Variants in IL1RAPL2 observed in about 807,000 individuals in gnomAD.
IL1RAPL2 encodes X-linked interleukin-1 receptor accessory protein-like 2.
Under a neutral mutation model 44.1 loss-of-function variants are expected in IL1RAPL2, and 3 were observed. That is an observed-to-expected ratio of 0.07 (90% CI 0.03 to 0.18). The LOEUF is 0.18. IL1RAPL2 is among the 10% of genes least tolerant of loss of function. The pLI is 1.00. For missense variants in IL1RAPL2, 391 were observed against 496.4 expected (o/e 0.79, Z 2.02); for synonymous variants, 181 against 178.8 (o/e 1.01, Z -0.10).
intron 5 of IL1RAPL2, among the ~76,000 whole-genome samples, chrX:105,429,426 C>T (rs1352600767): frequency 8.9e-6 from 1 of 111,937 alleles, no homozygotes; most frequent in Non-Finnish European, 1.9e-5. Flanking sequence ...TGACATTAAA[C>T]AGTGGTTTTC....
chrX:105,524,538 C>T (rs1255388604), intron 6 of IL1RAPL2, among the ~76,000 whole-genome samples: 2 of 109,688 alleles, frequency 1.8e-5, no homozygotes, highest in Non-Finnish European at 3.8e-5. Flanking sequence ...AACTTATTTA[C>T]TGCAAATACT....
intron 6 of IL1RAPL2, among the ~76,000 whole-genome samples, chrX:105,671,193 G>A (rs769761228): frequency 1.8e-5 from 2 of 110,936 alleles, no homozygotes; most frequent in African/African-American, 6.5e-5. Flanking sequence ...GTGATCCACC[G>A]GCCTTGGCCT....
intron 6 of IL1RAPL2, among the ~76,000 whole-genome samples, chrX:105,669,340 C>G (rs1469283074): frequency 9.0e-6 from 1 of 111,065 alleles, no homozygotes; most frequent in Non-Finnish European, 1.9e-5. Flanking sequence ...TTAATATCCC[C>G]AAAGGATGTG....
At position 105,762,611 on chromosome X, in the gene IL1RAPL2, G is replaced by A; in HGVS notation, c.1364-4353G>A. Among the ~76,000 whole-genome samples the A allele has an allele frequency of 2.7e-5, 3 of 112,226 alleles. 1 individual carries two copies. The Admixed American group carries it at 2.8e-4, about 11-fold the overall frequency. On this transcript the variant is annotated intron_variant, in intron 10 of 10. Coordinates refer to ENST00000372582, the MANE Select transcript of IL1RAPL2 (RefSeq NM_017416.2). ...ATGTACTTGGCTTTGTTTCATGTCT[G>A]ATAATCTGCTGTGGTTTCGCAGACT...
intron 5 of IL1RAPL2, among the ~76,000 whole-genome samples, chrX:105,356,693 G>A (rs1434420925): frequency 8.9e-6 from 1 of 112,343 alleles, no homozygotes; most frequent in African/African-American, 3.2e-5. Flanking sequence ...AGTGACCTAT[G>A]TGAATGACAG....
chrX:105,321,785 A>C (rs893324202), intron 5 of IL1RAPL2, among the ~76,000 whole-genome samples: 2 of 112,855 alleles, frequency 1.8e-5, no homozygotes, highest in African/African-American at 6.4e-5. Flanking sequence ...ACATAGGGTT[A>C]CTGACATTTG....
intron 6 of IL1RAPL2, among the ~76,000 whole-genome samples, chrX:105,650,153 C>G (rs185884513): frequency 1.3e-4 from 15 of 111,485 alleles, no homozygotes; most frequent in Non-Finnish European, 5.7e-5. Context: ...ATCTTGTGCA[C>G]TATAGGTTGT....
chrX:105,561,284 C>T (rs1015945126), intron 6 of IL1RAPL2, among the ~76,000 whole-genome samples: 4 of 111,747 alleles, frequency 3.6e-5, no homozygotes, highest in African/African-American at 1.3e-4. Context: ...GACAGCTCAC[C>T]TTCAGAAGCT....
At chrX:105,344,778 G>T (rs2035097302) in intron 5 of IL1RAPL2, among the ~76,000 whole-genome samples, 1 of 111,775 alleles carries the variant, frequency 8.9e-6, no homozygotes, top group South Asian at 3.8e-4. Context: ...ATGAGGATAT[G>T]CTGAGAGCCC....
chrX:105,478,153 C>T (rs2036210219), intron 5 of IL1RAPL2, among the ~76,000 whole-genome samples: 1 of 109,956 alleles, frequency 9.1e-6, no homozygotes, highest in Admixed American at 9.9e-5. Context: ...TTTTCTAACA[C>T]AACCTAAGTT....
intron 1 of IL1RAPL2, among the ~76,000 whole-genome samples, chrX:104,630,189 C>T (rs770661172): frequency 3.3e-3 from 350 of 106,298 alleles, no homozygotes; most frequent in African/African-American, 0.012. Context: ...ACTCTGTCAC[C>T]AGGGCTGGAG....
intron 2 of IL1RAPL2, among the ~76,000 whole-genome samples, chrX:105,135,895 T>C (rs922094514): frequency 8.9e-6 from 1 of 111,799 alleles, no homozygotes; most frequent in African/African-American, 3.2e-5. Flanking sequence ...ACTGAAACCT[T>C]AAGCAGAGGT....
At chrX:104,943,304 C>G (rs1393535527) in intron 2 of IL1RAPL2, among the ~76,000 whole-genome samples, 1 of 111,326 alleles carries the variant, frequency 9.0e-6, no homozygotes, top group Non-Finnish European at 1.9e-5. Flanking sequence ...ATTTGTGTCT[C>G]TAGACCAGAC....
rs752889587 is a variant in IL1RAPL2 at position 104,746,618 on chromosome X, C to T, written c.82+87623C>T. 1.5e-4 allele frequency among the ~76,000 whole-genome samples: 17 copies of T among 111,511 alleles called. No homozygotes were observed. The South Asian group carries it at 5.3e-3, about 35-fold the overall frequency. On this transcript the variant is annotated intron_variant, in intron 2 of 10. Transcript: ENST00000372582. ...CAATTTGTAGTTGTATGGGATGAGT[C>T]AGAACTTTTTTTCTGAATATTGTTC...
chrX:105,223,220 T>C (rs1221886911), intron 3 of IL1RAPL2, among the ~76,000 whole-genome samples: 3 of 110,974 alleles, frequency 2.7e-5, no homozygotes, highest in African/African-American at 9.8e-5. Flanking sequence ...TATATGAGTC[T>C]AGAACTTAGG....
At chrX:104,946,379 CAAAA>C (rs1157603029) in intron 2 of IL1RAPL2, among the ~76,000 whole-genome samples, 33 of 9,131 alleles carry the variant, frequency 3.6e-3, no homozygotes, top group African/African-American at 9.8e-3. Flanking sequence ...GACTCCGTCT[CAAAA>C]AAAAAAAAAA....
At chrX:104,924,360 C>T (rs1270973953) in intron 2 of IL1RAPL2, among the ~76,000 whole-genome samples, 1 of 111,727 alleles carries the variant, frequency 9.0e-6, no homozygotes, top group East Asian at 2.8e-4. Context: ...ACCTAACAGA[C>T]ATTTACAGAA....
chrX:104,600,700 A>G (rs1164263315), intron 1 of IL1RAPL2, among the ~76,000 whole-genome samples: 1 of 110,747 alleles, frequency 9.0e-6, no homozygotes, highest in African/African-American at 3.3e-5. Context: ...CCCAGTGTCT[A>G]TTGCTGCCAT....
At chrX:104,825,732 A>G (rs1176058862) in intron 2 of IL1RAPL2, among the ~76,000 whole-genome samples, 1 of 112,186 alleles carries the variant, frequency 8.9e-6, no homozygotes, top group East Asian at 2.8e-4. Flanking sequence ...AGTTGCAGAT[A>G]TCAGTTGCTC....
Sources: allele counts gnomAD v4.1 joint callset (sites outside exome capture counted in the v4.1 genomes callset), GRCh38; gene constraint gnomAD v4.1.1; transcripts MANE v1.5; gene names NCBI Gene and HGNC (gene_info 2026-07-23, HGNC 2026-07-21).